The following INPP4B variants were observed in gnomAD, a reference collection of about 807,000 sequenced individuals.
INPP4B encodes the protein inositol polyphosphate 4-phosphatase type II.
INPP4B carries 55 observed loss-of-function variants against 122.5 expected under a neutral mutation model. The ratio of observed to expected loss-of-function variants is 0.45; its 90% CI spans 0.36 to 0.56. The LOEUF is 0.56. Among genes scored for constraint, INPP4B ranks in the 20% least tolerant of loss-of-function variants. The probability of loss-of-function intolerance (pLI) is 0.00; values close to 1 mark genes in which losing one functional copy is unlikely to be tolerated. For synonymous variants in INPP4B, 403 were observed against 388.7 expected (o/e 1.04, Z -0.43); for missense variants, 1,000 against 1,097.7 (o/e 0.91, Z 1.26).
intron 1 of INPP4B, among the ~76,000 whole-genome samples, chr4:142,830,850 C>CAAAAA (rs70949194): frequency 8.7e-5 from 8 of 91,468 alleles, no homozygotes; most frequent in African/African-American, 3.0e-4. Flanking sequence ...GCTGTCTCTA[C>CAAAAA]AAAAAAAAAA....
rs1176573682 is a variant in INPP4B at position 142,641,474 on chromosome 4, G to T, written c.-191+84365C>A. On this transcript the variant is annotated intron_variant, in intron 2 of 25. Coordinates refer to ENST00000262992, the MANE Select transcript of INPP4B (RefSeq NM_001101669.3). ...GTGATGTTTCCTTTCCTGTGTCCAA[G>T]TGTTCTCATTTTTCAGTTCCCAGCT... 5.4e-5 allele frequency among the ~76,000 whole-genome samples: 8 copies of T among 148,130 alleles called. No individual in the cohort carries two copies. The South Asian group carries it at 1.7e-3, about 32-fold the overall frequency.
At chr4:142,094,215 G>T (rs1780843579) in intron 23 of INPP4B, among the ~76,000 whole-genome samples, 1 of 152,138 alleles carries the variant, frequency 6.6e-6, no homozygotes, top group African/African-American at 2.4e-5. Context: ...AGCAGAGTGG[G>T]AAAGGAAACA....
At chr4:142,542,661 T>C (rs1038826423) in intron 2 of INPP4B, among the ~76,000 whole-genome samples, 9 of 152,198 alleles carry the variant, frequency 5.9e-5, no homozygotes, top group African/African-American at 2.2e-4. Context: ...CAAATTAATC[T>C]TGATGTCCAG....
chr4:142,618,222 G>GA (rs138548089), intron 2 of INPP4B, among the ~76,000 whole-genome samples: 2,151 of 147,782 alleles, frequency 0.015, 38 homozygotes, highest in African/African-American at 0.04. Context: ...TACTGAAATA[G>GA]AAAAAAAAAA....
chr4:142,583,522 C>T (rs1735552529), intron 2 of INPP4B: 1 of 152,134 alleles, frequency 6.6e-6, no homozygotes, highest in Admixed American at 6.6e-5. Flanking sequence ...TTGGCTTCTC[C>T]AGTCCCTCAC....
At chr4:142,718,559 A>T (rs1305298811) in intron 2 of INPP4B, among the ~76,000 whole-genome samples, 2 of 152,204 alleles carry the variant, frequency 1.3e-5, no homozygotes, top group African/African-American at 4.8e-5. Flanking sequence ...TTAACTGAAC[A>T]TTAAGCTAGC....
At position 142,307,637 on chromosome 4, in the gene INPP4B, T is replaced by C. The variant is rs189018580; in HGVS notation, c.424-2100A>G. Among the ~76,000 whole-genome samples, 384 of 152,352 alleles carry C rather than the reference T, an allele frequency of 2.5e-3. 1 individual carries two copies. Among genetic ancestry groups the C allele is most frequent in the Non-Finnish European group, 4.2e-3 (286 of 68,036 alleles). On this transcript the variant is annotated intron_variant, in intron 8 of 25. Transcript: ENST00000262992. ...GGAAAATCAAAACAATTTTATAGTATGCAGATCGTATACTGCTGTAGTGAA... is the reference window on the plus strand; with the variant it reads ...GGAAAATCAAAACAATTTTATAGTACGCAGATCGTATACTGCTGTAGTGAA...
At chr4:142,742,795 A>G (rs1195078058) in intron 1 of INPP4B, among the ~76,000 whole-genome samples, 1 of 151,970 alleles carries the variant, frequency 6.6e-6, no homozygotes. Flanking sequence ...AACAATAACT[A>G]TTTAAAGTAA....
At chr4:142,707,364 G>A (rs1315609240) in intron 2 of INPP4B, among the ~76,000 whole-genome samples, 2 of 152,086 alleles carry the variant, frequency 1.3e-5, no homozygotes, top group African/African-American at 4.8e-5. Context: ...TAATTATTTT[G>A]TCTCTATCAA....
At chr4:142,222,417 C>G (rs1452912423) in intron 12 of INPP4B, among the ~76,000 whole-genome samples, 1 of 152,160 alleles carries the variant, frequency 6.6e-6, no homozygotes, top group African/African-American at 2.4e-5. Flanking sequence ...ATGTACATGA[C>G]TACCCTGGTC....
chr4:142,334,575 A>G (rs1775884968), intron 7 of INPP4B, among the ~76,000 whole-genome samples: 1 of 152,190 alleles, frequency 6.6e-6, no homozygotes, highest in South Asian at 2.1e-4. Context: ...CAGTAAGAGT[A>G]CACAGGGTTC....
At position 142,717,496 on chromosome 4, in the gene INPP4B, T is replaced by C. The variant is rs145809630; in HGVS notation, c.-191+8343A>G. 2.5e-3 allele frequency among the ~76,000 whole-genome samples: 378 copies of C among 152,252 alleles called. 5 individuals carry two copies. Among genetic ancestry groups the C allele is most frequent in the East Asian group, 0.018 (95 of 5,180 alleles). ...CCCAAACTATCTGGCTACCAAAATGTCCATCAATGGTAGACTGGATTAAGA... is the reference window on the plus strand; with the variant it reads ...CCCAAACTATCTGGCTACCAAAATGCCCATCAATGGTAGACTGGATTAAGA... On this transcript the variant is annotated intron_variant, in intron 2 of 25. Transcript: ENST00000262992.
chr4:142,224,593 C>A (rs1486344183), intron 12 of INPP4B, among the ~76,000 whole-genome samples: 3 of 152,014 alleles, frequency 2.0e-5, no homozygotes, highest in African/African-American at 7.2e-5. Context: ...TGTGCAGCAA[C>A]TAGGATTTCA....
chr4:142,310,946 A>T (rs1579694697), intron 8 of INPP4B, among the ~76,000 whole-genome samples: 2 of 152,290 alleles, frequency 1.3e-5, no homozygotes, highest in African/African-American at 4.8e-5. Flanking sequence ...TGCTTGACTA[A>T]GTCATCAAGA....
At chr4:142,420,669 A>G (rs1222260239) in intron 5 of INPP4B, among the ~76,000 whole-genome samples, 1 of 152,100 alleles carries the variant, frequency 6.6e-6, no homozygotes, top group Non-Finnish European at 1.5e-5. Flanking sequence ...TGGCCTTTGG[A>G]ATTAAAATCC....
At chr4:142,705,998 G>T (rs550167591) in intron 2 of INPP4B, among the ~76,000 whole-genome samples, 42 of 152,274 alleles carry the variant, frequency 2.8e-4, no homozygotes, top group Non-Finnish European at 4.7e-4. Flanking sequence ...ATCCATTAAG[G>T]TGACTCACCA....
At chr4:142,052,702 C>T (rs1755333550) in intron 25 of INPP4B, among the ~76,000 whole-genome samples, 2 of 151,830 alleles carry the variant, frequency 1.3e-5, no homozygotes, top group South Asian at 4.2e-4. Flanking sequence ...AAAACAGTAG[C>T]AGGACACACT....
intron 22 of INPP4B, among the ~76,000 whole-genome samples, chr4:142,112,312 T>C (rs1790611724): frequency 6.6e-6 from 1 of 152,222 alleles, no homozygotes; most frequent in African/African-American, 2.4e-5. Context: ...TTATTTAGTA[T>C]TGGCATCAAG....
rs553987391 is a variant in INPP4B, at chr4:142,491,950, T to C, written c.-190-29224A>G. Among the ~76,000 whole-genome samples, 9 of 152,280 alleles carry C rather than the reference T, an allele frequency of 5.9e-5. No homozygotes were observed. In the East Asian group the frequency reaches 1.7e-3, roughly 29 times the overall value. ...AGTAACTTGACATGGTTTGGCTGTG[T>C]CCCCACCCAAATCTCATCTTGAATT... On this transcript the variant is annotated intron_variant, in intron 2 of 25. Coordinates refer to ENST00000262992, the MANE Select transcript of INPP4B (RefSeq NM_001101669.3).
Sources: allele counts gnomAD v4.1 joint callset (sites outside exome capture counted in the v4.1 genomes callset), GRCh38; gene constraint gnomAD v4.1.1; transcripts MANE v1.5; gene names NCBI Gene and HGNC (gene_info 2026-07-23, HGNC 2026-07-21).